PACRG: variants seen among roughly 807,000 people sequenced by gnomAD.
The protein encoded by PACRG is parkin coregulated gene protein.
PACRG carries 29 observed loss-of-function variants against 29.7 expected under a neutral mutation model. The ratio of observed to expected loss-of-function variants is 0.98; its 90% CI spans 0.73 to 1.33. PACRG has a LOEUF of 1.33. Among genes scored for constraint, PACRG ranks in the 40% most tolerant of loss-of-function variants. The pLI is 0.00. For missense variants in PACRG, 279 were observed against 316.2 expected, an observed-to-expected ratio of 0.88 and a Z score of 0.89; for synonymous variants, 116 against 118.7, an observed-to-expected ratio of 0.98 and a Z score of 0.15.
rs76113107 is a variant in PACRG, at chr6:162,845,819, T to G, written c.291+31538T>G. On this transcript the variant is annotated intron_variant, in intron 2 of 4. Transcript: ENST00000366888. ...TTGCCAGTTTGCATCATTCAATCTCTGAATTTTCATTTGTATGTTATCATA... is the reference window on the plus strand; with the variant it reads ...TTGCCAGTTTGCATCATTCAATCTCGGAATTTTCATTTGTATGTTATCATA... Among the ~76,000 whole-genome samples, 1,314 of 152,368 alleles carry G rather than the reference T, an allele frequency of 8.6e-3. 22 individuals carry two copies. The highest frequency in any genetic ancestry group is 0.03 in the African/African-American group (1,261 of 41,584).
intron 4 of PACRG, among the ~76,000 whole-genome samples, chr6:163,312,391 G>T (rs1406937735): frequency 1.3e-5 from 2 of 152,042 alleles, no homozygotes; most frequent in African/African-American, 4.8e-5. Context: ...TTTTCATCCT[G>T]CCCACCTTCT....
chr6:162,745,327 T>A (rs1780902463), intron 1 of PACRG, among the ~76,000 whole-genome samples: 1 of 151,516 alleles, frequency 6.6e-6, no homozygotes, highest in African/African-American at 2.4e-5. Flanking sequence ...AAGTGGGAGT[T>A]GAACAATGAG....
chr6:162,901,201 C>G (rs1795537071), intron 2 of PACRG, among the ~76,000 whole-genome samples: 1 of 152,124 alleles, frequency 6.6e-6, no homozygotes. Context: ...GGAGATGGAA[C>G]CGACTAAGAG....
At chr6:163,295,064 A>T (rs372441709) in intron 4 of PACRG, among the ~76,000 whole-genome samples, 1 of 152,238 alleles carries the variant, frequency 6.6e-6, no homozygotes, top group Non-Finnish European at 1.5e-5. Flanking sequence ...AGCTAAATGT[A>T]TTTAAATGCT....
intron 2 of PACRG, among the ~76,000 whole-genome samples, chr6:162,862,312 C>A (rs1791926106): frequency 6.6e-6 from 1 of 152,172 alleles, no homozygotes; most frequent in Admixed American, 6.5e-5. Context: ...TGTCATTACA[C>A]TGGGAAGTGA....
chr6:163,286,213 A>G (rs1444350634), intron 4 of PACRG, among the ~76,000 whole-genome samples: 2 of 152,212 alleles, frequency 1.3e-5, no homozygotes, highest in African/African-American at 2.4e-5. Flanking sequence ...ATGAGCTCAC[A>G]TCTGTTACAA....
intron 4 of PACRG, among the ~76,000 whole-genome samples, chr6:163,254,706 G>C (rs1234385344): frequency 6.6e-6 from 1 of 152,204 alleles, no homozygotes; most frequent in African/African-American, 2.4e-5. Context: ...CCCTGCCCGT[G>C]CAGCAGGGCA....
intron 1 of PACRG, among the ~76,000 whole-genome samples, chr6:162,770,111 G>A (rs2128301291): frequency 6.6e-6 from 1 of 152,216 alleles, no homozygotes; most frequent in African/African-American, 2.4e-5. Flanking sequence ...ATTTCCTACA[G>A]ATAGGTCCTA....
At chr6:162,819,109 C>G (rs71567675) in intron 2 of PACRG, among the ~76,000 whole-genome samples, 1 of 151,982 alleles carries the variant, frequency 6.6e-6, no homozygotes, top group Non-Finnish European at 1.5e-5. Flanking sequence ...TTCTTTGACA[C>G]GTAAATGATA....
At chr6:162,922,174 A>G (rs531080929) in intron 2 of PACRG, among the ~76,000 whole-genome samples, 1 of 151,028 alleles carries the variant, frequency 6.6e-6, no homozygotes, top group Non-Finnish European at 1.5e-5. Context: ...ATCAGCATGT[A>G]GGTTAACTGC....
chr6:163,262,198 C>T (rs78019003), intron 4 of PACRG, among the ~76,000 whole-genome samples: 2,394 of 152,316 alleles, frequency 0.016, 56 homozygotes, highest in African/African-American at 0.055. Context: ...TCGTGTTACT[C>T]AGTAGTCCTG....
At chr6:163,309,782 G>A (rs1204246625) in intron 4 of PACRG, among the ~76,000 whole-genome samples, 3 of 152,180 alleles carry the variant, frequency 2.0e-5, no homozygotes, top group Admixed American at 6.5e-5. Context: ...TGACAACTCT[G>A]CCTTCCCCGG....
chr6:162,760,467 G>A (rs1782260856), intron 1 of PACRG, among the ~76,000 whole-genome samples: 1 of 152,144 alleles, frequency 6.6e-6, no homozygotes, highest in Admixed American at 6.5e-5. Context: ...GTGAGAGAAG[G>A]GGGACAGTGG....
chr6:163,236,757 C>CTATACTGCTATAAAT (rs1337949008), intron 4 of PACRG, among the ~76,000 whole-genome samples: 70 of 152,270 alleles, frequency 4.6e-4, no homozygotes, highest in African/African-American at 1.6e-3. Flanking sequence ...CTATAAAGAA[C>CTATACTGCTATAAAT]TACCTGAGAC....
At chr6:162,796,513 T>C (rs1394659752) in intron 1 of PACRG, among the ~76,000 whole-genome samples, 1 of 152,160 alleles carries the variant, frequency 6.6e-6, no homozygotes, top group Non-Finnish European at 1.5e-5. Context: ...CTATAGCCCT[T>C]ATTTTTTATG....
At chr6:162,814,092 G>A (rs1269142194) in intron 1 of PACRG, 55 bp from the exon 2 acceptor site, 3 of 1,498,742 alleles carry the variant, frequency 2.0e-6, no homozygotes, top group Non-Finnish European at 2.7e-6. Flanking sequence ...CTTTTATTAT[G>A]AATTTTTTTA....
chr6:163,228,301 G>T (rs183692983), intron 4 of PACRG, among the ~76,000 whole-genome samples: 2 of 148,940 alleles, frequency 1.3e-5, no homozygotes, highest in East Asian at 4.0e-4. Context: ...AGCCCAGAGG[G>T]TGTTCTTAAT....
intron 2 of PACRG, among the ~76,000 whole-genome samples, chr6:162,869,113 G>A (rs1792578265): frequency 6.6e-6 from 1 of 152,052 alleles, no homozygotes; most frequent in African/African-American, 2.4e-5. Flanking sequence ...AAGATTTGCT[G>A]GGGTTTGCCA....
At chr6:162,817,702 A>G (rs577658956) in intron 2 of PACRG, among the ~76,000 whole-genome samples, 2 of 152,194 alleles carry the variant, frequency 1.3e-5, no homozygotes, top group Non-Finnish European at 2.9e-5. Flanking sequence ...CGTGGTTACC[A>G]TATTAGACCA....
Sources: allele counts gnomAD v4.1 joint callset (sites outside exome capture counted in the v4.1 genomes callset), GRCh38; gene constraint gnomAD v4.1.1; transcripts MANE v1.5; gene names NCBI Gene and HGNC (gene_info 2026-07-23, HGNC 2026-07-21).